Variants in PPP1R12A observed in about 807,000 individuals in gnomAD.
The protein encoded by PPP1R12A is protein phosphatase 1 regulatory subunit 12A, also known as myosin binding subunit.
A neutral mutation model predicts 139.6 loss-of-function variants in PPP1R12A; 19 were observed. That is an observed-to-expected ratio of 0.14 (90% CI 0.09 to 0.20). The LOEUF (loss-of-function observed/expected upper bound fraction) is 0.20, where lower values mean the gene tolerates loss of function less well. PPP1R12A is among the 10% of genes least tolerant of loss of function. PPP1R12A has a pLI of 1.00. For missense variants in PPP1R12A, 925 were observed against 1,211.5 expected (o/e 0.76, Z 3.51); for synonymous variants, 427 against 420.6 (o/e 1.02, Z -0.19).
chr12:79,793,769 ACTG>A, intron 19 of PPP1R12A, 91 bp downstream of exon 19: 1 of 964,944 alleles, frequency 1.0e-6, no homozygotes, highest in East Asian at 2.8e-5. Context: ...GTATGCAATA[ACTG>A]CTTTGCATGA....
At chr12:79,792,189 C>A (rs1316540594) in intron 19 of PPP1R12A, among the ~76,000 whole-genome samples, 2 of 152,138 alleles carry the variant, frequency 1.3e-5, no homozygotes, top group African/African-American at 2.4e-5. Flanking sequence ...GATCTATGCA[C>A]ATACATTGCA....
intron 19 of PPP1R12A, 70 bp from the exon 20 acceptor site, chr12:79,790,553 A>C: frequency 8.8e-7 from 1 of 1,134,808 alleles, no homozygotes; most frequent in East Asian, 2.7e-5. Context: ...ACCTATGATT[A>C]TAAGTAAATT....
chr12:79,774,573 A>C lies in PPP1R12A; in HGVS notation c.*1356T>G, dbSNP rs1869539434. 3 of 152,500 alleles carry C rather than the reference A, an allele frequency of 2.0e-5. No homozygotes were observed. In the South Asian group the frequency reaches 6.2e-4, roughly 32 times the overall value. The allele number at this position is 152,500 out of a possible 1,614,324, so 9.4% of individuals were successfully genotyped here. On this transcript the variant is annotated 3_prime_UTR_variant, in exon 25 of 25. Transcript: ENST00000450142. ...TTGCATGGTTTAATGAAAATATAAAAGCTATTTGTCCAAATAAAAGCCATC... is the reference window on the plus strand; with the variant it reads ...TTGCATGGTTTAATGAAAATATAAACGCTATTTGTCCAAATAAAAGCCATC...
At chr12:79,836,294 G>A (rs1047203461) in intron 3 of PPP1R12A, among the ~76,000 whole-genome samples, 3 of 152,062 alleles carry the variant, frequency 2.0e-5, no homozygotes, top group Non-Finnish European at 4.4e-5. Context: ...TCTATTAAGT[G>A]ATTTATCTTA....
chr12:79,801,268 C>T (rs185279745), intron 14 of PPP1R12A, among the ~76,000 whole-genome samples: 233 of 137,814 alleles, frequency 1.7e-3, no homozygotes, highest in Non-Finnish European at 2.6e-3. Flanking sequence ...CTGCTTGAAC[C>T]TGGGAGGTGG....
At position 79,845,249 on chromosome 12, in the gene PPP1R12A, A is replaced by C. The variant is rs994628275; in HGVS notation, c.487+53T>G. 9.8e-6 allele frequency: 13 copies of C among 1,331,106 alleles called. No individual in the cohort carries two copies. In the African/African-American group the frequency reaches 1.3e-4, roughly 14 times the overall value. 82.5% of individuals were successfully genotyped at this position (1,331,106 alleles called of 1,614,324 possible). On this transcript the variant is annotated intron_variant, in intron 3 of 24. Coordinates refer to ENST00000450142, the MANE Select transcript of PPP1R12A (RefSeq NM_002480.3). ...TGTCAACAAATATTTTTGCTGGAAA[A>C]GTATCACATTCTTTCTAAAACATTT...
intron 14 of PPP1R12A, among the ~76,000 whole-genome samples, chr12:79,802,357 T>C (rs1187748546): frequency 1.3e-5 from 2 of 152,250 alleles, no homozygotes; most frequent in Non-Finnish European, 1.5e-5. Context: ...ATGGCTATTT[T>C]TTCCATTCAT....
chr12:79,781,665 A>G (rs146142055), intron 23 of PPP1R12A, 150 bp downstream of exon 23: 1 of 457,190 alleles, frequency 2.2e-6, no homozygotes, highest in East Asian at 3.4e-5. Context: ...AGAATTCTAT[A>G]AAGAAGTTGC....
intron 1 of PPP1R12A, among the ~76,000 whole-genome samples, chr12:79,927,169 CAG>C (rs1436128800): frequency 2.0e-5 from 3 of 152,258 alleles, no homozygotes; most frequent in Non-Finnish European, 4.4e-5. Flanking sequence ...GCCATGGTGA[CAG>C]AGTCTGTCAC....
rs1592728915 is a variant in PPP1R12A, at chr12:79,861,333, G to A, written c.368+11475C>T. ...CTGAAACACATCAATATGTTCAAAC[G>A]GGAGTTACTTCCAAGATGTCCAAAT... On this transcript the variant is annotated intron_variant, in intron 2 of 24. Coordinates refer to ENST00000450142, the MANE Select transcript of PPP1R12A (RefSeq NM_002480.3). 3.3e-5 allele frequency among the ~76,000 whole-genome samples: 5 copies of A among 152,282 alleles called. No homozygotes were observed. In the South Asian group the frequency reaches 1.0e-3, roughly 32 times the overall value.
chr12:79,846,426 CT>C lies in PPP1R12A; in HGVS notation c.369-1007del, dbSNP rs1278811985. Among the ~76,000 whole-genome samples the C allele has an allele frequency of 2.9e-5, 4 of 139,202 alleles. No homozygotes were observed. The South Asian group carries it at 6.7e-4, about 23-fold the overall frequency. The allele number at this position is 139,202 out of a possible 152,430, so 91.3% of individuals were successfully genotyped here. ...AACCATCTATTACCCAAGTCAATTT[CT>C]TTTTTCTCTCTGTTTTTTTTGAGAC... On this transcript the variant is annotated intron_variant, in intron 2 of 24. Transcript: ENST00000450142.
chr12:79,859,527 C>T (rs1368073285), intron 2 of PPP1R12A, among the ~76,000 whole-genome samples: 2 of 151,942 alleles, frequency 1.3e-5, no homozygotes. Context: ...AAGTAAGTCG[C>T]CACACATATT....
At chr12:79,811,166 TTCATATC>T (rs1874480350) in intron 9 of PPP1R12A, among the ~76,000 whole-genome samples, 1 of 152,172 alleles carries the variant, frequency 6.6e-6, no homozygotes, top group Non-Finnish European at 1.5e-5. Flanking sequence ...AATCATTTCT[TTCATATC>T]TATTGCCAAC....
chr12:79,799,135 A>C (rs1872797162), intron 14 of PPP1R12A, among the ~76,000 whole-genome samples: 2 of 151,978 alleles, frequency 1.3e-5, no homozygotes, highest in Admixed American at 1.3e-4. Context: ...ATTCCTTTCT[A>C]AATCTTTTTT....
intron 2 of PPP1R12A, among the ~76,000 whole-genome samples, chr12:79,869,534 T>C (rs1440313222): frequency 3.3e-5 from 5 of 152,192 alleles, no homozygotes; most frequent in African/African-American, 9.7e-5. Flanking sequence ...ATGACCCTTA[T>C]ACAAACTGCA....
intron 3 of PPP1R12A, among the ~76,000 whole-genome samples, chr12:79,838,453 G>C (rs2137179319): frequency 6.6e-6 from 1 of 152,330 alleles, no homozygotes; most frequent in Non-Finnish European, 1.5e-5. Flanking sequence ...AATGTTAATT[G>C]CCAAGACAAA....
intron 2 of PPP1R12A, among the ~76,000 whole-genome samples, chr12:79,863,744 GCCATTA>G: frequency 6.6e-6 from 1 of 151,276 alleles, no homozygotes; most frequent in Admixed American, 6.6e-5. Context: ...GACAAAGAAG[GCCATTA>G]CATAATGGTA....
chr12:79,844,196 C>T lies in PPP1R12A; in HGVS notation c.487+1106G>A, dbSNP rs551795571. ...CTCTTGAGTAATGAAACTCTGTGCCCGTTAGCAATCACTGTTATCTATAAA... is the reference window on the plus strand; with the variant it reads ...CTCTTGAGTAATGAAACTCTGTGCCTGTTAGCAATCACTGTTATCTATAAA... On this transcript the variant is annotated intron_variant, in intron 3 of 24. Transcript: ENST00000450142. 6.6e-5 allele frequency among the ~76,000 whole-genome samples: 10 copies of T among 152,200 alleles called. No homozygotes were observed. In the East Asian group the frequency reaches 1.4e-3, roughly 21 times the overall value.
intron 22 of PPP1R12A, chr12:79,782,649 AG>A: frequency 2.4e-6 from 1 of 420,544 alleles, no homozygotes; most frequent in African/African-American, 2.1e-5. Flanking sequence ...AGAAAAAAAA[AG>A]AAAAAAACAG....
Sources: gnomAD v4.1 joint callset for allele counts (sites outside exome capture counted in the v4.1 genomes callset) on GRCh38, gnomAD v4.1.1 for gene constraint, MANE v1.5 for transcripts, NCBI Gene and HGNC (gene_info 2026-07-23, HGNC 2026-07-21) for gene names.